The following GALM variants were observed in gnomAD, a reference collection of about 807,000 sequenced individuals.
GALM encodes the protein galactose mutarotase.
Under a neutral mutation model 37.4 loss-of-function variants are expected in GALM, and 43 were observed. The observed-to-expected ratio is 1.15, with a 90% confidence interval of 0.90 to 1.48. The LOEUF (loss-of-function observed/expected upper bound fraction) is 1.48. Ranked by LOEUF, GALM falls within the 40% of genes most tolerant of loss-of-function variation. The pLI, the probability that GALM is intolerant of heterozygous loss-of-function variation, is 0.00. For synonymous variants in GALM, 199 were observed against 170.6 expected, an observed-to-expected ratio of 1.17 and a Z score of -1.30; for missense variants, 456 against 419.1, an observed-to-expected ratio of 1.09 and a Z score of -0.77.
chr2:38,710,798 G>A (rs1414312683), intron 4 of GALM, among the ~76,000 whole-genome samples: 1 of 150,272 alleles, frequency 6.7e-6, no homozygotes, highest in Non-Finnish European at 1.5e-5. Context: ...TTATTGCCCA[G>A]GCTGGAGTGC....
Position 38,696,498 on chromosome 2 carries a change from A to T in GALM, c.634+6604A>T, listed in dbSNP as rs989418143. Among the ~76,000 whole-genome samples, 3 of 149,330 alleles carry T rather than the reference A, an allele frequency of 2.0e-5. No individual in the cohort carries two copies. In the Admixed American group the frequency reaches 2.0e-4, roughly 10 times the overall value. On this transcript the variant is annotated intron_variant, in intron 4 of 6. Transcript: ENST00000272252. ...CCCAAGCTGAAACAGTGACACAATC[A>T]TAGCTCACTGTAACATCAAACTTCT...
intron 4 of GALM, among the ~76,000 whole-genome samples, chr2:38,717,443 A>G (rs1666291310): frequency 6.6e-6 from 1 of 151,702 alleles, no homozygotes; most frequent in Non-Finnish European, 1.5e-5. Context: ...TCTATCGCCC[A>G]GGCTGGAGTG....
intron 3 of GALM, among the ~76,000 whole-genome samples, chr2:38,684,042 T>A (rs567265299): frequency 1.3e-5 from 2 of 152,164 alleles, no homozygotes; most frequent in African/African-American, 2.4e-5. Flanking sequence ...CTCTGCATCT[T>A]CAGAATATCT....
chr2:38,683,507 T>C (rs1340777442), intron 3 of GALM, among the ~76,000 whole-genome samples: 1 of 152,152 alleles, frequency 6.6e-6, no homozygotes, highest in Admixed American at 6.6e-5. Context: ...AGTGACTACT[T>C]CTGAGCGTCA....
chr2:38,676,501 G>A (rs534906162), intron 2 of GALM, among the ~76,000 whole-genome samples: 1 of 152,184 alleles, frequency 6.6e-6, no homozygotes, highest in Non-Finnish European at 1.5e-5. Flanking sequence ...AGTGGCTCAC[G>A]CCTGTAATCC....
chr2:38,723,893 T>G (rs1313494206), intron 4 of GALM, among the ~76,000 whole-genome samples: 1 of 152,216 alleles, frequency 6.6e-6, no homozygotes, highest in Admixed American at 6.6e-5. Context: ...CCACCTAGGC[T>G]GTGTGTGCAC....
chr2:38,691,337 T>C (rs560429390), intron 4 of GALM, among the ~76,000 whole-genome samples: 2 of 152,354 alleles, frequency 1.3e-5, no homozygotes, highest in African/African-American at 4.8e-5. Context: ...TAAAAAATCA[T>C]TGTGGCAAAG....
chr2:38,717,555 T>C (rs1666294480), intron 4 of GALM, among the ~76,000 whole-genome samples: 1 of 152,006 alleles, frequency 6.6e-6, no homozygotes. Context: ...CACACCACCA[T>C]GCCTGGCTAA....
chr2:38,671,539 C>G (rs13019170), intron 1 of GALM: 1 of 152,082 alleles, frequency 6.6e-6, no homozygotes, highest in African/African-American at 2.4e-5. Flanking sequence ...AACCGCCCCC[C>G]TGATCCAATT....
chr2:38,686,799 C>T (rs1361404444), intron 3 of GALM, among the ~76,000 whole-genome samples: 1 of 152,176 alleles, frequency 6.6e-6, no homozygotes, highest in African/African-American at 2.4e-5. Context: ...AGGCAGGCAC[C>T]TAGGAAACAG....
intron 4 of GALM, among the ~76,000 whole-genome samples, chr2:38,716,215 C>T (rs150422870): frequency 6.6e-6 from 1 of 152,352 alleles, no homozygotes; most frequent in African/African-American, 2.4e-5. Context: ...CTTCTGAAAG[C>T]TGTTGATTTG....
chr2:38,704,624 T>C (rs1666002376), intron 4 of GALM, among the ~76,000 whole-genome samples: 1 of 151,332 alleles, frequency 6.6e-6, no homozygotes, highest in African/African-American at 2.4e-5. Flanking sequence ...AATTGAGCTA[T>C]GATTGGGCAC....
At position 38,734,102 on chromosome 2, in the gene GALM, T is replaced by C. The variant is rs1024381104; in HGVS notation, c.*537T>C. The C allele has an allele frequency of 5.6e-5, 9 of 161,428 alleles. No homozygotes were observed. The highest frequency in any genetic ancestry group is 4.7e-4 in the Admixed American group (8 of 17,002). 10.0% of individuals were successfully genotyped at this position (161,428 alleles called of 1,614,324 possible). A position where few individuals can be genotyped will look rare whatever the true frequency, so the allele number is the denominator to read the frequency against. ...CAGAGGTTGAAGACCAACAAGCTAA[T>C]AAATAAAAAGTTGAGGCCGGGCACG... is the stretch of plus-strand genomic sequence containing the variant. On this transcript the variant is annotated 3_prime_UTR_variant, in exon 7 of 7. Coordinates refer to ENST00000272252, the MANE Select transcript of GALM (RefSeq NM_138801.3).
At chr2:38,680,170 C>T in intron 2 of GALM, 1 of 363,488 alleles carries the variant, frequency 2.8e-6, no homozygotes, top group Middle Eastern at 8.1e-4. Context: ...AGGTATGCAC[C>T]ACCATACCTC....
At chr2:38,672,077 T>G (rs1665120656) in intron 1 of GALM, among the ~76,000 whole-genome samples, 1 of 151,834 alleles carries the variant, frequency 6.6e-6, no homozygotes, top group Non-Finnish European at 1.5e-5. Context: ...ACCAAGGAAC[T>G]GGCCTGGCAA....
At chr2:38,688,720 G>C (rs372700803) in intron 3 of GALM, among the ~76,000 whole-genome samples, 1 of 152,194 alleles carries the variant, frequency 6.6e-6, no homozygotes, top group Non-Finnish European at 1.5e-5. Flanking sequence ...CATGTATAAA[G>C]TTATTTGCCG....
chr2:38,711,512 C>T (rs1262692704), intron 4 of GALM, among the ~76,000 whole-genome samples: 1 of 151,954 alleles, frequency 6.6e-6, no homozygotes, highest in African/African-American at 2.4e-5. Flanking sequence ...AGCCATCATC[C>T]TTAAATTCAT....
intron 4 of GALM, among the ~76,000 whole-genome samples, chr2:38,696,617 G>A (rs527573878): frequency 2.4e-4 from 36 of 150,544 alleles, no homozygotes; most frequent in African/African-American, 8.5e-4. Context: ...TTTTTTACAC[G>A]AAAATGTCTC....
intron 4 of GALM, among the ~76,000 whole-genome samples, chr2:38,692,814 A>C (rs1665707668): frequency 5.9e-5 from 9 of 152,196 alleles, no homozygotes; most frequent in Admixed American, 5.9e-4. Context: ...CTGGAAGGGA[A>C]AGTGGAAGTT....
Sources: gnomAD v4.1 joint callset for allele counts (sites outside exome capture counted in the v4.1 genomes callset) on GRCh38, gnomAD v4.1.1 for gene constraint, MANE v1.5 for transcripts, NCBI Gene and HGNC (gene_info 2026-07-23, HGNC 2026-07-21) for gene names.